HSD11B1: variants seen among roughly 807,000 people sequenced by gnomAD.
The protein encoded by HSD11B1 is hydroxysteroid 11-beta dehydrogenase 1.
In HSD11B1, 15 loss-of-function variants were observed where a neutral mutation model predicts 22.1. That is an observed-to-expected ratio of 0.68 (90% CI 0.45 to 1.04). HSD11B1 has a LOEUF of 1.04. Ranked by LOEUF, HSD11B1 falls within the 50% of genes least tolerant of loss-of-function variation. The pLI, the probability that HSD11B1 is intolerant of heterozygous loss-of-function variation, is 0.00. For missense variants in HSD11B1, 281 were observed against 357.6 expected (o/e 0.79, Z 1.73); for synonymous variants, 122 against 125.2 (o/e 0.97, Z 0.17).
intron 4 of HSD11B1, 102 bp from the exon 5 acceptor site, chr1:209,732,334 A>G (rs2077040615): frequency 9.6e-6 from 12 of 1,252,864 alleles, no homozygotes; most frequent in African/African-American, 1.5e-5. Context: ...CTAAGACTCA[A>G]AGGGGTAAAA....
At chr1:209,715,361 C>T (rs929657909) in intron 4 of HSD11B1, among the ~76,000 whole-genome samples, 2 of 152,012 alleles carry the variant, frequency 1.3e-5, no homozygotes, top group African/African-American at 4.8e-5. Flanking sequence ...CTGACAGGAC[C>T]TGGGAGCACA....
chr1:209,707,182 G>A, intron 4 of HSD11B1, 54 bp downstream of exon 4: 1 of 1,381,706 alleles, frequency 7.2e-7, no homozygotes, highest in South Asian at 1.2e-5. Flanking sequence ...AAATGCCAGG[G>A]ATGATGCCAG....
intron 1 of HSD11B1, among the ~76,000 whole-genome samples, chr1:209,695,554 T>TA (rs1385685248): frequency 6.6e-6 from 1 of 152,202 alleles, no homozygotes; most frequent in Non-Finnish European, 1.5e-5. Context: ...CTCACACCTG[T>TA]AATCCCAGCA....
At chr1:209,694,666 A>G (rs766614338) in intron 1 of HSD11B1, among the ~76,000 whole-genome samples, 33 of 152,360 alleles carry the variant, frequency 2.2e-4, no homozygotes, top group Non-Finnish European at 4.3e-4. Context: ...TGTGGTGTGA[A>G]GAACTGGATG....
intron 4 of HSD11B1, among the ~76,000 whole-genome samples, chr1:209,728,036 C>T (rs1008534189): frequency 6.6e-6 from 1 of 152,174 alleles, no homozygotes; most frequent in African/African-American, 2.4e-5. Flanking sequence ...AAGATAAAGG[C>T]TCTTTGAAGG....
intron 4 of HSD11B1, chr1:209,724,066 G>C (rs2076984833): frequency 6.6e-6 from 1 of 152,348 alleles, no homozygotes; most frequent in East Asian, 1.9e-4. Flanking sequence ...ATTGGAAATG[G>C]CTCCAGAAGA....
upstream of HSD11B1, among the ~76,000 whole-genome samples, chr1:209,701,280 G>A (rs1210083779): frequency 6.6e-6 from 1 of 152,146 alleles, no homozygotes; most frequent in Non-Finnish European, 1.5e-5. Flanking sequence ...GGAGGTGAAA[G>A]GCACTTCTTA....
chr1:209,707,220 A>C (rs1460389597), intron 4 of HSD11B1, 92 bp downstream of exon 4: 2 of 1,081,172 alleles, frequency 1.8e-6, no homozygotes, highest in Non-Finnish European at 2.8e-6. Context: ...AATTTTTATC[A>C]GTTTCCATGC....
At chr1:209,709,653 A>ACACCT (rs1290564956) in intron 4 of HSD11B1, among the ~76,000 whole-genome samples, 1 of 152,172 alleles carries the variant, frequency 6.6e-6, no homozygotes, top group Non-Finnish European at 1.5e-5. Flanking sequence ...GTGCTTGTTT[A>ACACCT]CACCTGCATG....
chr1:209,729,900 A>G (rs1168237251), intron 4 of HSD11B1, among the ~76,000 whole-genome samples: 1 of 152,220 alleles, frequency 6.6e-6, no homozygotes, highest in African/African-American at 2.4e-5. Context: ...TCAGTAGATG[A>G]TGAAAAAGCA....
upstream of HSD11B1, among the ~76,000 whole-genome samples, chr1:209,703,785 A>G (rs2076839012): frequency 6.6e-6 from 1 of 152,222 alleles, no homozygotes; most frequent in African/African-American, 2.4e-5. Flanking sequence ...CTCTACTGAT[A>G]ACTTACAGAA....
intron 1 of HSD11B1, among the ~76,000 whole-genome samples, chr1:209,691,854 T>C (rs1311578120): frequency 1.2e-4 from 18 of 152,162 alleles, no homozygotes; most frequent in African/African-American, 3.9e-4. Context: ...ATTTCCAAAA[T>C]TGCAAAATCA....
intron 4 of HSD11B1, among the ~76,000 whole-genome samples, chr1:209,725,169 AC>A (rs1323874492): frequency 6.6e-6 from 1 of 152,204 alleles, no homozygotes; most frequent in Non-Finnish European, 1.5e-5. Flanking sequence ...GCGATGTAAT[AC>A]CTATTAATGC....
At chr1:209,692,711 G>A (rs887979810) in intron 1 of HSD11B1, among the ~76,000 whole-genome samples, 22 of 151,522 alleles carry the variant, frequency 1.5e-4, no homozygotes, top group African/African-American at 5.3e-4. Context: ...GAAGGTTCAG[G>A]AGCCTGACTA....
chr1:209,688,438 T>G lies in HSD11B1; in HGVS notation c.-49+2153T>G, dbSNP rs574940161. On this transcript the variant is annotated intron_variant, in intron 1 of 6. Transcript: ENST00000261465. ...ACTTACTTGCCAACTTTCCTTGTGC[T>G]TGACTTCAAACTCCTTGAAAGCAGA... is the stretch of plus-strand genomic sequence containing the variant. Among the ~76,000 whole-genome samples, 9 of 152,342 alleles carry G rather than the reference T, an allele frequency of 5.9e-5. No individual in the cohort carries two copies. In the South Asian group the frequency reaches 1.9e-3, roughly 32 times the overall value.
intron 4 of HSD11B1, among the ~76,000 whole-genome samples, chr1:209,722,943 T>A (rs1423867153): frequency 6.6e-6 from 1 of 152,196 alleles, no homozygotes; most frequent in African/African-American, 2.4e-5. Flanking sequence ...AACGAAAGCA[T>A]GTAGGCCTCC....
chr1:209,692,607 CG>C (rs796545462), intron 1 of HSD11B1, among the ~76,000 whole-genome samples: 4,206 of 48,104 alleles, frequency 0.087, 292 homozygotes, highest in East Asian at 0.33. Context: ...ATTAAAATGG[CG>C]GGGGGGGGGG....
chr1:209,694,131 T>C (rs2076777042), intron 1 of HSD11B1, among the ~76,000 whole-genome samples: 1 of 152,184 alleles, frequency 6.6e-6, no homozygotes, highest in South Asian at 2.1e-4. Context: ...ACTCCTATGG[T>C]TGCAACATTA....
At position 209,709,937 on chromosome 1, in the gene HSD11B1, A is replaced by AACACACACAC. The variant is rs71143893; in HGVS notation, c.517+2837_517+2846dup. Among the ~76,000 whole-genome samples, 55 of 143,892 alleles carry AACACACACAC rather than the reference A, an allele frequency of 3.8e-4. 1 individual carries two copies. The highest frequency in any genetic ancestry group is 8.3e-4 in the African/African-American group (33 of 39,604). 94.4% of individuals were successfully genotyped at this position (143,892 alleles called of 152,430 possible). A position where few individuals can be genotyped will look rare whatever the true frequency, so the allele number is the denominator to read the frequency against. Reference sequence around the variant, plus strand: ...ACCCTCCAGGCCATCCCACATGTGAAACACACACACACACACACACACACA... The same window carrying AACACACACAC: ...ACCCTCCAGGCCATCCCACATGTGAAACACACACACACACACACACACACACACACACACA... On this transcript the variant is annotated intron_variant, in intron 4 of 5. Transcript: ENST00000367027.
Sources: allele counts gnomAD v4.1 joint callset (sites outside exome capture counted in the v4.1 genomes callset), GRCh38; gene constraint gnomAD v4.1.1; transcripts MANE v1.5; gene names NCBI Gene and HGNC (gene_info 2026-07-23, HGNC 2026-07-21).